LPGAT1: variants seen among roughly 807,000 people sequenced by gnomAD.
LPGAT1 encodes acyl-CoA:lysophosphatidylglycerol acyltransferase 1.
A neutral mutation model predicts 47.5 loss-of-function variants in LPGAT1; 11 were observed. That is an observed-to-expected ratio of 0.23 (90% CI 0.15 to 0.38). The LOEUF (loss-of-function observed/expected upper bound fraction) is 0.38. LPGAT1 is among the 10% of genes least tolerant of loss of function. LPGAT1 has a pLI of 1.00. For missense variants in LPGAT1, 293 were observed against 439.0 expected (o/e 0.67, Z 2.97); for synonymous variants, 138 against 144.2 (o/e 0.96, Z 0.31).
rs182271614 is a variant in LPGAT1, at chr1:211,749,663, G to A, written c.*236C>T. 4.1e-5 allele frequency: 18 copies of A among 440,724 alleles called. No individual in the cohort carries two copies. The highest frequency in any genetic ancestry group is 2.3e-4 in the East Asian group (5 of 22,118). 27.3% of individuals were successfully genotyped at this position (440,724 alleles called of 1,614,324 possible). A position where few individuals can be genotyped will look rare whatever the true frequency, so the allele number is the denominator to read the frequency against. On this transcript the variant is annotated 3_prime_UTR_variant, in exon 8 of 8. Transcript: ENST00000366997. Reference sequence around the variant, plus strand: ...CCAAATGTGATGTTTGCTTAAATATGTGATAGAGTGTATCTTTTTAAAACA... The same window carrying A: ...CCAAATGTGATGTTTGCTTAAATATATGATAGAGTGTATCTTTTTAAAACA...
In LPGAT1 at chr1:211,830,707, G is replaced by C; in HGVS notation, c.-162C>G. ...TCCGGCTGTGGCGCGGCCCGCGCCC[G>C]TTCCCCGGCGGCGCCGAGACTCGGT... is the stretch of plus-strand genomic sequence containing the variant. On this transcript the variant is annotated 5_prime_UTR_variant, in exon 1 of 8. Coordinates refer to ENST00000366997, the MANE Select transcript of LPGAT1 (RefSeq NM_014873.3). The surrounding 1 kb of genome is among the most constrained non-coding windows in gnomAD (Gnocchi z 5.9). 1 of 1,182,966 alleles carries C rather than the reference G, an allele frequency of 8.5e-7. No homozygotes were observed. The highest frequency in any genetic ancestry group is 1.0e-6 in the Non-Finnish European group (1 of 956,550). The allele number at this position is 1,182,966 out of a possible 1,614,324, so 73.3% of individuals were successfully genotyped here.
At chr1:211,802,359 A>G (rs932154008) in intron 2 of LPGAT1, among the ~76,000 whole-genome samples, 4 of 152,058 alleles carry the variant, frequency 2.6e-5, no homozygotes, top group Non-Finnish European at 4.4e-5. Context: ...CGGAGACCTG[A>G]AAAAGGCTGT....
intron 6 of LPGAT1, among the ~76,000 whole-genome samples, chr1:211,765,934 C>T (rs564388512): frequency 6.6e-6 from 1 of 152,198 alleles, no homozygotes; most frequent in South Asian, 2.1e-4. Context: ...CACTCCCTTC[C>T]CCCGCAATGT....
chr1:211,788,367 T>C (rs1325870991), intron 3 of LPGAT1, among the ~76,000 whole-genome samples: 1 of 152,118 alleles, frequency 6.6e-6, no homozygotes, highest in Non-Finnish European at 1.5e-5. Flanking sequence ...GGCAGAAGAC[T>C]TTCTTTCACG....
intron 2 of LPGAT1, among the ~76,000 whole-genome samples, chr1:211,811,686 G>A (rs1011662803): frequency 3.9e-5 from 6 of 152,160 alleles, no homozygotes; most frequent in Non-Finnish European, 4.4e-5. Flanking sequence ...GAACCTGGGA[G>A]GTGGAGGGTG....
rs1474006427 is a variant in LPGAT1 at position 211,793,055 on chromosome 1, C to A, written c.357+17G>T. On this transcript the variant is annotated intron_variant, in intron 3 of 7. Transcript: ENST00000366997. ...TTCCTTTCTGGATGTCTATCTACTG[C>A]CTTCAGGGTAGCTTACCAGTCCTTT... The A allele has an allele frequency of 2.6e-6, 4 of 1,532,644 alleles. No individual in the cohort carries two copies. The East Asian group carries it at 9.5e-5, about 36-fold the overall frequency. The allele number at this position is 1,532,644 out of a possible 1,614,324, so 94.9% of individuals were successfully genotyped here.
intron 2 of LPGAT1, chr1:211,802,910 A>G (rs1427445111): frequency 6.6e-6 from 1 of 152,182 alleles, no homozygotes; most frequent in African/African-American, 2.4e-5. Context: ...GGACACATAT[A>G]AGGATAAGGA....
intron 5 of LPGAT1, among the ~76,000 whole-genome samples, chr1:211,779,995 T>C (rs956043114): frequency 6.6e-6 from 1 of 152,016 alleles, no homozygotes; most frequent in African/African-American, 2.4e-5. Context: ...CTAACCAACA[T>C]GGAGAAACCC....
At chr1:211,800,272 T>A (rs1162526327) in intron 2 of LPGAT1, among the ~76,000 whole-genome samples, 1 of 151,568 alleles carries the variant, frequency 6.6e-6, no homozygotes, top group Non-Finnish European at 1.5e-5. Context: ...TCTGCCCACC[T>A]TGGCCTCCAA....
At chr1:211,797,991 A>G (rs1659415564) in intron 2 of LPGAT1, among the ~76,000 whole-genome samples, 1 of 152,184 alleles carries the variant, frequency 6.6e-6, no homozygotes, top group Non-Finnish European at 1.5e-5. Flanking sequence ...TCTAACATGT[A>G]TATCAATATA....
rs1025517647 is a variant in LPGAT1 at position 211,744,459 on chromosome 1, G to C, written c.*5440C>G. On this transcript the variant is annotated 3_prime_UTR_variant, in exon 8 of 8. Coordinates refer to ENST00000366997, the MANE Select transcript of LPGAT1 (RefSeq NM_014873.3). ...CAGATTGAATGATAATAAATTTATT[G>C]GGAAATGAGTTAGATTTGGACAGTC... The C allele has an allele frequency of 2.6e-5, 4 of 152,118 alleles. No homozygotes were observed. The highest frequency in any genetic ancestry group is 9.7e-5 in the African/African-American group (4 of 41,396). The allele number at this position is 152,118 out of a possible 1,614,324, so 9.4% of individuals were successfully genotyped here. A position where few individuals can be genotyped will look rare whatever the true frequency, so the allele number is the denominator to read the frequency against.
rs1657917717 is a variant in LPGAT1 at position 211,766,434 on chromosome 1, T to C, written c.854+12484A>G. 2.0e-5 allele frequency among the ~76,000 whole-genome samples: 3 copies of C among 152,354 alleles called. No homozygotes were observed. In the South Asian group the frequency reaches 6.2e-4, roughly 32 times the overall value. ...CATTGTAAGTCGAAAATGCATTTAA[T>C]ACACCTAACCTACTGAACATCATAG... On this transcript the variant is annotated intron_variant, in intron 6 of 7. Coordinates refer to ENST00000366997, the MANE Select transcript of LPGAT1 (RefSeq NM_014873.3).
At chr1:211,767,486 G>A (rs1195000438) in intron 6 of LPGAT1, among the ~76,000 whole-genome samples, 1 of 152,130 alleles carries the variant, frequency 6.6e-6, no homozygotes, top group Non-Finnish European at 1.5e-5. Flanking sequence ...ACCTGCTGGT[G>A]TGGAAAATAA....
At chr1:211,817,451 G>C (rs1447031067) in intron 2 of LPGAT1, among the ~76,000 whole-genome samples, 1 of 151,788 alleles carries the variant, frequency 6.6e-6, no homozygotes, top group Non-Finnish European at 1.5e-5. Context: ...GGCGCCTGTA[G>C]TCCCAGCTAC....
In LPGAT1 at chr1:211,746,370, T is replaced by C. The variant is rs989492454; in HGVS notation, c.*3529A>G. ...CAGGGATGCTTTTCTAACCCATAGA[T>C]TATTCAGGCTTCTGTATTTCCTCTT... On this transcript the variant is annotated 3_prime_UTR_variant, in exon 8 of 8. Coordinates refer to ENST00000366997, the MANE Select transcript of LPGAT1 (RefSeq NM_014873.3). The C allele has an allele frequency of 1.3e-5, 2 of 152,360 alleles. No homozygotes were observed. Among genetic ancestry groups the C allele is most frequent in the Admixed American group, 6.5e-5 (1 of 15,280 alleles). The allele number at this position is 152,360 out of a possible 1,614,324, so 9.4% of individuals were successfully genotyped here.
chr1:211,790,935 T>C (rs903869942), intron 3 of LPGAT1, among the ~76,000 whole-genome samples: 1 of 152,186 alleles, frequency 6.6e-6, no homozygotes, highest in African/African-American at 2.4e-5. Flanking sequence ...ATCCTATCTG[T>C]AAGAGTTACA....
chr1:211,803,326 A>G (rs1004671119), intron 2 of LPGAT1, among the ~76,000 whole-genome samples: 31 of 152,248 alleles, frequency 2.0e-4, no homozygotes, highest in African/African-American at 7.5e-4. Context: ...AATTGGGAAC[A>G]CAGCCAAGGA....
chr1:211,750,015 C>G lies in LPGAT1; in HGVS notation c.997G>C (p.Val333Leu), dbSNP rs1307414229. The G allele has an allele frequency of 6.2e-7, 1 of 1,614,098 alleles. No individual in the cohort carries two copies. The highest frequency in any genetic ancestry group is 8.5e-7 in the Non-Finnish European group (1 of 1,179,982). The change falls in exon 8 of 8, where the codon GTT becomes CTT. Residue 333 changes from valine to leucine, a missense_variant. Transcript: ENST00000366997. ...TTGCTGAGGGTCATCTCCCTGGAAA[C>G]AGCTTCCTTATGGCCCTTGGAAGGT... Reference protein sequence around the residue: ...FPPSKGHKEAVSREMTLSNLW... With the variant: ...FPPSKGHKEALSREMTLSNLW...
At chr1:211,808,898 G>C (rs1356172003) in intron 2 of LPGAT1, among the ~76,000 whole-genome samples, 2 of 152,030 alleles carry the variant, frequency 1.3e-5, no homozygotes, top group African/African-American at 2.4e-5. Context: ...AAGTAGCCTG[G>C]TTCAAATTAA....
Sources: gnomAD v4.1 joint callset for allele counts (sites outside exome capture counted in the v4.1 genomes callset) on GRCh38, gnomAD v4.1.1 for gene constraint, Gnocchi (gnomAD v3.1) non-coding constraint, MANE v1.5 for transcripts, NCBI Gene and HGNC (gene_info 2026-07-23, HGNC 2026-07-21) for gene names.